PCDHA1: variants seen among roughly 807,000 people sequenced by gnomAD.
PCDHA1 encodes protocadherin alpha-1.
A neutral mutation model predicts 61.3 loss-of-function variants in PCDHA1; 42 were observed. The ratio of observed to expected loss-of-function variants is 0.69; its 90% CI spans 0.54 to 0.89. The LOEUF is 0.89. Ranked by LOEUF, PCDHA1 falls within the 40% of genes least tolerant of loss-of-function variation. The pLI, the probability that PCDHA1 is intolerant of heterozygous loss-of-function variation, is 0.00. For missense variants in PCDHA1, 1,256 were observed against 1,235.3 expected (o/e 1.02, Z -0.25); for synonymous variants, 610 against 553.8 (o/e 1.10, Z -1.43).
chr5:140,849,857 G>C (rs781928576), intron 1 of PCDHA1: 1 of 1,598,626 alleles, frequency 6.3e-7, no homozygotes, highest in Non-Finnish European at 8.6e-7. Context: ...ACGCACCAGC[G>C]TTCGCGCAGT....
chr5:140,802,899 C>T (rs782451626), intron 1 of PCDHA1: 4 of 1,613,792 alleles, frequency 2.5e-6, no homozygotes, highest in South Asian at 1.1e-5. Flanking sequence ...ACTGCTGATG[C>T]CTCGGGTGGG....
In PCDHA1 at chr5:140,828,604, A is replaced by G. The variant is rs2150157266; in HGVS notation, c.2394+39920A>G. On this transcript the variant is annotated intron_variant, in intron 1 of 3. Transcript: ENST00000504120. The stretch of plus-strand genomic sequence containing the variant: ...GCTCAAATTCCATCTTAACCTATAA[A>G]CTCAGTTCTAGCGAATACTTCGGGC... 71 of 1,614,018 alleles carry G rather than the reference A, an allele frequency of 4.4e-5. 1 individual carries two copies. The highest frequency in any genetic ancestry group is 1.5e-4 in the Admixed American group (9 of 59,998).
Position 140,843,638 on chromosome 5 carries a change from A to G in PCDHA1, c.2394+54954A>G, listed in dbSNP as rs2150364336. On this transcript the variant is annotated intron_variant, in intron 1 of 3. Transcript: ENST00000504120. ...ACCGAAGACGGACCTCATGGCCTTC[A>G]GCCCCTGCCTTCCTCCTGATCTGGG... 6.9e-6 allele frequency: 11 copies of G among 1,595,882 alleles called. 1 individual carries two copies. In the African/African-American group the frequency reaches 9.4e-5, roughly 14 times the overall value.
chr5:140,834,218 G>C, intron 1 of PCDHA1: 1 of 668,584 alleles, frequency 1.5e-6, no homozygotes, highest in Non-Finnish European at 2.5e-6. Flanking sequence ...TTCGTAATCA[G>C]CAAAAGGAAG....
intron 1 of PCDHA1, chr5:140,876,444 T>A (rs1554168564): frequency 6.2e-7 from 1 of 1,613,996 alleles, no homozygotes; most frequent in Non-Finnish European, 8.5e-7. Context: ...ACGCCATTGA[T>A]AAAGGGATTC....
At chr5:140,858,082 G>T (rs1554151130) in intron 1 of PCDHA1, 2 of 1,597,718 alleles carry the variant, frequency 1.3e-6, no homozygotes, top group East Asian at 2.2e-5. Flanking sequence ...CCAAGGCCTC[G>T]TCGCGGGCTT....
At position 140,842,903 on chromosome 5, in the gene PCDHA1, C is replaced by G. The variant is rs2150347593; in HGVS notation, c.2394+54219C>G. The G allele has an allele frequency of 1.9e-5, 31 of 1,594,262 alleles. 5 individuals carry two copies. Among genetic ancestry groups the G allele is most frequent in the African/African-American group, 2.7e-5 (2 of 74,310 alleles). ...GCTGCAGCCGCTGGACCACGAGGAG[C>G]TAGAGCTGCTGCAGTTCCAGGTGAG... On this transcript the variant is annotated intron_variant, in intron 1 of 3. Coordinates refer to ENST00000504120, the MANE Select transcript of PCDHA1 (RefSeq NM_018900.4).
chr5:140,822,952 C>T, intron 1 of PCDHA1: 1 of 1,614,248 alleles, frequency 6.2e-7, no homozygotes, highest in Non-Finnish European at 8.5e-7. Context: ...GCCCCACGTT[C>T]CCTTCAAGCT....
Position 140,882,692 on chromosome 5 carries a change from AT to A in PCDHA1, c.2394+94010del, listed in dbSNP as rs782355155. On this transcript the variant is annotated intron_variant, in intron 1 of 3. Coordinates refer to ENST00000504120, the MANE Select transcript of PCDHA1 (RefSeq NM_018900.4). The stretch of plus-strand genomic sequence containing the variant: ...CCCTGAAAGCAAGAAACGAATAATC[AT>A]TGCAGAATCTAGACCTCCGGAAACT... The A allele has an allele frequency of 2.1e-5, 34 of 1,614,204 alleles. No individual in the cohort carries two copies. In the South Asian group the frequency reaches 3.5e-4, roughly 17 times the overall value.
At position 140,855,779 on chromosome 5, in the gene PCDHA1, A is replaced by T. The variant is rs1017564312; in HGVS notation, c.2394+67095A>T. On this transcript the variant is annotated intron_variant, in intron 1 of 3. Transcript: ENST00000504120. ...AAAGTCCATAGACATAAAAATACGT[A>T]AAAAAAGAATTAACATATGAATGAA... is the stretch of plus-strand genomic sequence containing the variant. 1.2e-5 allele frequency: 5 copies of T among 408,902 alleles called. 1 individual carries two copies. Among genetic ancestry groups the T allele is most frequent in the African/African-American group, 2.0e-5 (1 of 49,354 alleles). The allele number at this position is 408,902 out of a possible 1,614,324, so 25.3% of individuals were successfully genotyped here.
intron 1 of PCDHA1, chr5:140,863,358 G>A (rs1432906108): frequency 8.0e-7 from 1 of 1,243,310 alleles, no homozygotes; most frequent in Non-Finnish European, 1.1e-6. Context: ...CGACGCTGCG[G>A]TGCTTGGCGC....
chr5:140,967,240 C>T, intron 1 of PCDHA1: 1 of 1,613,644 alleles, frequency 6.2e-7, no homozygotes, highest in African/African-American at 1.3e-5. Flanking sequence ...TTCAGGTAAG[C>T]GAATCGGTGG....
At chr5:140,920,505 T>C (rs545028033) in intron 1 of PCDHA1, among the ~76,000 whole-genome samples, 1 of 152,344 alleles carries the variant, frequency 6.6e-6, no homozygotes, top group South Asian at 2.1e-4. Flanking sequence ...TTCTACATAC[T>C]GTTTTATGCA....
chr5:140,788,684 T>A lies in PCDHA1; in HGVS notation c.2394T>A (p.Asn798Lys). 2 of 1,547,300 alleles carry A rather than the reference T, an allele frequency of 1.3e-6. No homozygotes were observed. The highest frequency in any genetic ancestry group is 1.7e-6 in the Non-Finnish European group (2 of 1,146,866). The change falls in exon 1 of 4, where the codon AAT (asparagine) becomes AAA (lysine). Residue 798 changes from asparagine (N) to lysine (K), a missense_variant and splice_region_variant. Coordinates refer to ENST00000504120, the MANE Select transcript of PCDHA1 (RefSeq NM_018900.4). ...QPEANLDLSG[N>K]PRQPNPDWRY... ...AAGCAAATTTGGATCTTTCTGGTAATGTAAGTCCAACTTTCGAGTTTTGGC... is the reference window on the plus strand; with the variant it reads ...AAGCAAATTTGGATCTTTCTGGTAAAGTAAGTCCAACTTTCGAGTTTTGGC...
intron 1 of PCDHA1, among the ~76,000 whole-genome samples, chr5:140,936,885 T>C (rs1490428437): frequency 6.6e-6 from 1 of 152,238 alleles, no homozygotes; most frequent in Non-Finnish European, 1.5e-5. Context: ...CCTGCTTTGA[T>C]TTTAATTGGC....
chr5:140,884,472 G>A (rs1382253304), intron 1 of PCDHA1: 2 of 1,613,830 alleles, frequency 1.2e-6, no homozygotes, highest in Non-Finnish European at 1.7e-6. Flanking sequence ...TGCGCGCCGG[G>A]CAAGCCCACT....
intron 1 of PCDHA1, among the ~76,000 whole-genome samples, chr5:140,917,083 T>C (rs2077876290): frequency 6.6e-6 from 1 of 152,078 alleles, no homozygotes; most frequent in South Asian, 2.1e-4. Flanking sequence ...TAATGTAAAG[T>C]TCCCCAGTTG....
At chr5:140,869,694 G>T (rs782372405) in intron 1 of PCDHA1, 8 of 1,613,394 alleles carry the variant, frequency 5.0e-6, no homozygotes, top group Non-Finnish European at 6.8e-6. Context: ...TTATTTTAAA[G>T]AAGTCTCTGG....
chr5:140,833,054 T>C (rs1193790961), intron 1 of PCDHA1, among the ~76,000 whole-genome samples: 1 of 152,118 alleles, frequency 6.6e-6, no homozygotes. Context: ...AGAAAAGTAA[T>C]ATGAGAAAAA....
Sources: allele counts gnomAD v4.1 joint callset (sites outside exome capture counted in the v4.1 genomes callset), GRCh38; gene constraint gnomAD v4.1.1; transcripts MANE v1.5; gene names NCBI Gene and HGNC (gene_info 2026-07-23, HGNC 2026-07-21).